The following SEC24D variants were observed in gnomAD, a reference collection of about 807,000 sequenced individuals.
The protein encoded by SEC24D is protein transport protein Sec24D.
SEC24D carries 69 observed loss-of-function variants against 116.9 expected under a neutral mutation model. The observed-to-expected ratio is 0.59, with a 90% CI of 0.49 to 0.72. SEC24D has a LOEUF of 0.72. SEC24D is among the 30% of genes least tolerant of loss of function. SEC24D has a pLI of 0.00. For synonymous variants in SEC24D, 405 were observed against 442.8 expected, an observed-to-expected ratio of 0.91 and a Z score of 1.07; for missense variants, 1,131 against 1,264.1, an observed-to-expected ratio of 0.89 and a Z score of 1.60.
intron 18 of SEC24D, among the ~76,000 whole-genome samples, chr4:118,738,677 C>G (rs944606789): frequency 6.6e-6 from 1 of 152,122 alleles, no homozygotes; most frequent in Non-Finnish European, 1.5e-5. Context: ...TTTTGATGTC[C>G]TGAATTCTTA....
At chr4:118,739,071 GT>G in intron 18 of SEC24D, 77 bp downstream of exon 18, 2 of 1,464,674 alleles carry the variant, frequency 1.4e-6, no homozygotes, top group Non-Finnish European at 1.9e-6. Flanking sequence ...CAAAACTACA[GT>G]GCTTTTTAGC....
Position 118,752,839 on chromosome 4 carries a change from T to C in SEC24D, c.1471A>G (p.Asn491Asp). 1 of 1,607,926 alleles carries C rather than the reference T, an allele frequency of 6.2e-7. No homozygotes were observed. Among genetic ancestry groups the C allele is most frequent in the South Asian group, 1.1e-5 (1 of 89,466 alleles). ...ACATTAAAGAAATGGAGAACTTTGT[T>C]ATATGTGATAAAACCCACTCGAATT... The part of the protein sequence containing the change: ...SAIRVGFITY[N>D]KVLHFFNVKS... The change falls in exon 12 of 23, where the codon AAC becomes GAC. Residue 491 changes from asparagine (N) to aspartate (D), a missense_variant. Physicochemically the swap from Asn to Asp is conservative, Grantham distance 23. Transcript: ENST00000280551.
intron 8 of SEC24D, among the ~76,000 whole-genome samples, chr4:118,789,312 A>G (rs1728789736): frequency 6.6e-6 from 1 of 152,232 alleles, no homozygotes. Flanking sequence ...TGCCAAAACT[A>G]TGTCAACGCA....
chr4:118,755,464 C>CAA (rs34008479), intron 11 of SEC24D, among the ~76,000 whole-genome samples: 53 of 85,112 alleles, frequency 6.2e-4, no homozygotes, highest in Admixed American at 2.5e-3. Context: ...AACAAACAGA[C>CAA]AAAAAAAAAA....
intron 11 of SEC24D, chr4:118,753,984 T>C (rs1726960642): frequency 6.6e-6 from 1 of 152,162 alleles, no homozygotes; most frequent in Admixed American, 6.6e-5. Context: ...TGGAAGTATC[T>C]AGATGGAAGT....
rs571646254 is a variant in SEC24D at position 118,782,725 on chromosome 4, G to C, written c.1042-14414C>G. On this transcript the variant is annotated intron_variant, in intron 8 of 22. Transcript: ENST00000280551. Reference sequence around the variant, plus strand: ...CCCAGAGGTGGAGTCAACAGAGGCAGCAGGCCTTGCTGAGCTGTGGTGGGC... The same window carrying C: ...CCCAGAGGTGGAGTCAACAGAGGCACCAGGCCTTGCTGAGCTGTGGTGGGC... Among the ~76,000 whole-genome samples the C allele has an allele frequency of 1.1e-3, 168 of 152,376 alleles. 1 individual carries two copies. Among genetic ancestry groups the C allele is most frequent in the Admixed American group, 5.0e-3 (76 of 15,312 alleles).
intron 6 of SEC24D, among the ~76,000 whole-genome samples, chr4:118,814,382 C>T (rs1027983943): frequency 3.9e-5 from 6 of 152,172 alleles, no homozygotes; most frequent in Admixed American, 1.3e-4. Context: ...ATGATAAGGA[C>T]GGATGAAGCA....
intron 13 of SEC24D, among the ~76,000 whole-genome samples, chr4:118,750,145 C>T (rs979995563): frequency 2.0e-5 from 3 of 152,166 alleles, no homozygotes; most frequent in African/African-American, 7.2e-5. Context: ...GAGTTGGACT[C>T]TAGTAAACTG....
At chr4:118,833,896 C>A (rs1730982445) in intron 1 of SEC24D, among the ~76,000 whole-genome samples, 159 bp from the exon 2 acceptor site, 1 of 152,108 alleles carries the variant, frequency 6.6e-6, no homozygotes, top group African/African-American at 2.4e-5. Context: ...TATCATTATC[C>A]CCTAAAAAGG....
intron 21 of SEC24D, chr4:118,730,877 C>CCA: frequency 5.6e-6 from 1 of 178,932 alleles, no homozygotes. Flanking sequence ...CAGTTCAGCA[C>CCA]CAGGGATGAG....
intron 13 of SEC24D, among the ~76,000 whole-genome samples, chr4:118,750,439 C>T (rs1726766199): frequency 6.6e-6 from 1 of 152,220 alleles, no homozygotes; most frequent in Admixed American, 6.5e-5. Context: ...ACTCTACACT[C>T]AGATCCTGTG....
At chr4:118,776,185 T>C (rs1044559977) in intron 8 of SEC24D, among the ~76,000 whole-genome samples, 1 of 152,060 alleles carries the variant, frequency 6.6e-6, no homozygotes, top group South Asian at 2.1e-4. Flanking sequence ...TCCTCTGGAA[T>C]TGAGGATATC....
intron 2 of SEC24D, chr4:118,833,289 C>T (rs1169726774): frequency 2.5e-5 from 6 of 241,022 alleles, no homozygotes; most frequent in Non-Finnish European, 4.7e-5. Flanking sequence ...TCAATGTTTA[C>T]AATAGCCTTA....
Position 118,806,643 on chromosome 4 carries a change from T to TAA in SEC24D, c.802-691_802-690dup, listed in dbSNP as rs140668239. On this transcript the variant is annotated intron_variant, in intron 6 of 22. Transcript: ENST00000280551. ...CCACTGCACCTGGCCAGCATTTTCT[T>TAA]AAAAAAAAAAAAATCTGGTAAGAAA... Among the ~76,000 whole-genome samples, 1,260 of 145,618 alleles carry TAA rather than the reference T, an allele frequency of 8.7e-3. 7 individuals carry two copies. The highest frequency in any genetic ancestry group is 0.013 in the Non-Finnish European group (864 of 65,994).
At chr4:118,728,009 C>G (rs1202050447) in intron 22 of SEC24D, among the ~76,000 whole-genome samples, 1 of 152,038 alleles carries the variant, frequency 6.6e-6, no homozygotes. Context: ...TCTATACATT[C>G]TAGATCCCAG....
At chr4:118,726,708 A>G (rs1161192773) in intron 22 of SEC24D, among the ~76,000 whole-genome samples, 1 of 152,228 alleles carries the variant, frequency 6.6e-6, no homozygotes. Context: ...AGAACTGTGC[A>G]GGGCAGGACT....
intron 8 of SEC24D, among the ~76,000 whole-genome samples, chr4:118,791,427 G>C (rs1028605041): frequency 5.9e-5 from 9 of 152,160 alleles, no homozygotes; most frequent in Admixed American, 2.0e-4. Context: ...ATCTAACTCT[G>C]TGCCTCAGTT....
At chr4:118,776,358 G>A (rs1728131536) in intron 8 of SEC24D, among the ~76,000 whole-genome samples, 1 of 152,170 alleles carries the variant, frequency 6.6e-6, no homozygotes, top group African/African-American at 2.4e-5. Context: ...CTAATGCCAG[G>A]AGGGCTTGTT....
At chr4:118,801,930 A>T (rs1729462429) in intron 7 of SEC24D, among the ~76,000 whole-genome samples, 1 of 152,234 alleles carries the variant, frequency 6.6e-6, no homozygotes, top group Non-Finnish European at 1.5e-5. Context: ...AATAAAGAGC[A>T]TTATGTGATA....
Sources: gnomAD v4.1 joint callset for allele counts (sites outside exome capture counted in the v4.1 genomes callset) on GRCh38, gnomAD v4.1.1 for gene constraint, MANE v1.5 for transcripts, NCBI Gene and HGNC (gene_info 2026-07-23, HGNC 2026-07-21) for gene names.